The following PCDHGB6 variants were observed in gnomAD, a reference collection of about 807,000 sequenced individuals.
PCDHGB6 encodes protocadherin gamma-B6.
A neutral mutation model predicts 59.1 loss-of-function variants in PCDHGB6; 51 were observed. The observed-to-expected ratio is 0.86, with a 90% CI of 0.69 to 1.09. The LOEUF (loss-of-function observed/expected upper bound fraction) is 1.09, where lower values mean the gene tolerates loss of function less well. PCDHGB6 is among the 50% of genes least tolerant of loss of function. PCDHGB6 has a pLI of 0.00. For synonymous variants in PCDHGB6, 466 were observed against 495.1 expected, an observed-to-expected ratio of 0.94 and a Z score of 0.78; for missense variants, 1,148 against 1,205.1, an observed-to-expected ratio of 0.95 and a Z score of 0.70.
chr5:141,505,883 T>C (rs1225759976), intron 3 of PCDHGB6, among the ~76,000 whole-genome samples: 1 of 152,118 alleles, frequency 6.6e-6, no homozygotes, highest in East Asian at 1.9e-4. Flanking sequence ...GTTGTAGAGA[T>C]TAAATGAGAT....
At chr5:141,428,727 A>G (rs1348450181) in intron 1 of PCDHGB6, 1 of 160,588 alleles carries the variant, frequency 6.2e-6, no homozygotes, top group Non-Finnish European at 1.4e-5. Context: ...AAAATCTTAA[A>G]CATATTATAT....
Position 141,444,232 on chromosome 5 carries a change from C to T in PCDHGB6, c.2418+33612C>T, listed in dbSNP as rs1411172798. Among the ~76,000 whole-genome samples the T allele has an allele frequency of 2.5e-5, 3 of 122,350 alleles. No individual in the cohort carries two copies. In the Admixed American group the frequency reaches 3.3e-4, roughly 14 times the overall value. The allele number at this position is 122,350 out of a possible 152,430, so 80.3% of individuals were successfully genotyped here. ...TGTTGCCCAGGCTGGAGTGCAATGG[C>T]ATGCTCTCGGCTCACTGCAACCTCC... is the stretch of plus-strand genomic sequence containing the variant. On this transcript the variant is annotated intron_variant, in intron 1 of 3. Coordinates refer to ENST00000520790, the MANE Select transcript of PCDHGB6 (RefSeq NM_018926.3).
rs891428609 is a variant in PCDHGB6, at chr5:141,503,553, C to T, written c.2478-1840C>T. Among the ~76,000 whole-genome samples the T allele has an allele frequency of 9.4e-5, 14 of 149,164 alleles. No homozygotes were observed. In the East Asian group the frequency reaches 2.2e-3, roughly 23 times the overall value. On this transcript the variant is annotated intron_variant, in intron 2 of 3. Coordinates refer to ENST00000520790, the MANE Select transcript of PCDHGB6 (RefSeq NM_018926.3). ...GGCAGAGGTTGCAGTGAGCCGAGAT[C>T]GCGCCACTGTACTCCAGCCTGGGTG...
At chr5:141,508,806 C>T (rs1243735850) in intron 3 of PCDHGB6, among the ~76,000 whole-genome samples, 1 of 152,066 alleles carries the variant, frequency 6.6e-6, no homozygotes, top group African/African-American at 2.4e-5. Flanking sequence ...AATCCTGGCT[C>T]TTTGAAGCCA....
intron 1 of PCDHGB6, chr5:141,418,035 T>C: frequency 6.2e-7 from 1 of 1,614,000 alleles, no homozygotes; most frequent in Non-Finnish European, 8.5e-7. Context: ...CTTAGTGTCC[T>C]GGATGTGTCG....
chr5:141,419,715 TG>T (rs754309862), intron 1 of PCDHGB6: 1 of 1,613,288 alleles, frequency 6.2e-7, no homozygotes, highest in South Asian at 1.1e-5. Flanking sequence ...CTCTTCAGCC[TG>T]GGGCTGCGAA....
chr5:141,482,588 C>T (rs559327092), intron 1 of PCDHGB6, among the ~76,000 whole-genome samples: 3 of 147,192 alleles, frequency 2.0e-5, no homozygotes, highest in Admixed American at 6.8e-5. Context: ...GCAGTGGGAC[C>T]AAACGGGAAA....
At chr5:141,471,786 A>G (rs1043196530) in intron 1 of PCDHGB6, among the ~76,000 whole-genome samples, 6 of 152,244 alleles carry the variant, frequency 3.9e-5, no homozygotes, top group African/African-American at 1.4e-4. Flanking sequence ...ACATTATGCT[A>G]TGTCATATAA....
At chr5:141,422,812 T>A in intron 1 of PCDHGB6, 1 of 1,614,206 alleles carries the variant, frequency 6.2e-7, no homozygotes, top group Non-Finnish European at 8.5e-7. Context: ...GTTTCGAGAC[T>A]TAGAACTGAG....
At chr5:141,455,605 T>C (rs930071553) in intron 1 of PCDHGB6, among the ~76,000 whole-genome samples, 2 of 152,098 alleles carry the variant, frequency 1.3e-5, no homozygotes, top group African/African-American at 4.8e-5. Flanking sequence ...TAGGGCGCCA[T>C]GGATGTTCTA....
In PCDHGB6 at chr5:141,485,539, G is replaced by T; in HGVS notation, c.2419-9268G>T. 6.2e-7 allele frequency: 1 copy of T among 1,614,104 alleles called. No individual in the cohort carries two copies. Among genetic ancestry groups the T allele is most frequent in the Non-Finnish European group, 8.5e-7 (1 of 1,179,998 alleles). On this transcript the variant is annotated intron_variant, in intron 1 of 3. Coordinates refer to ENST00000520790, the MANE Select transcript of PCDHGB6 (RefSeq NM_018926.3). This position sits in a 1 kb window ranked among gnomAD's most constrained non-coding sequence, Gnocchi z 5.7. ...TGGAAATGTACCGAGCAGAGGTAGA[G>T]ATCGTAGATGTGAATGATCACGCCC...
At chr5:141,414,930 C>A (rs561548499) in intron 1 of PCDHGB6, 1 of 1,614,156 alleles carries the variant, frequency 6.2e-7, no homozygotes, top group South Asian at 1.1e-5. Flanking sequence ...CGCCCCGCTC[C>A]GCAGAGCCCG....
At chr5:141,472,507 T>G (rs919448316) in intron 1 of PCDHGB6, among the ~76,000 whole-genome samples, 2 of 151,872 alleles carry the variant, frequency 1.3e-5, no homozygotes, top group African/African-American at 4.8e-5. Context: ...GCCACTGCAC[T>G]CCAGCCTGGG....
Position 141,489,434 on chromosome 5 carries a change from A to G in PCDHGB6, c.2419-5373A>G. On this transcript the variant is annotated intron_variant, in intron 1 of 3. Transcript: ENST00000520790. This position sits in a 1 kb window ranked among gnomAD's most constrained non-coding sequence, Gnocchi z 4.5. ...ACAGATCTGTTGAGCCGGCGGCTGC[A>G]ATTGGGCTCTGAGGAGAATGGGCGC... 6.2e-7 allele frequency: 1 copy of G among 1,614,138 alleles called. No individual in the cohort carries two copies. The highest frequency in any genetic ancestry group is 8.5e-7 in the Non-Finnish European group (1 of 1,180,044).
At position 141,485,939 on chromosome 5, in the gene PCDHGB6, C is replaced by A; in HGVS notation, c.2419-8868C>A. ...CAGGATTAGTGTGTTGGAGAGCGCA[C>A]CAGCGGGCATGGTGCTCATCCAGCT... On this transcript the variant is annotated intron_variant, in intron 1 of 3. Transcript: ENST00000520790. This position sits in a 1 kb window ranked among gnomAD's most constrained non-coding sequence, Gnocchi z 5.7. 1 of 1,614,140 alleles carries A rather than the reference C, an allele frequency of 6.2e-7. No homozygotes were observed. The highest frequency in any genetic ancestry group is 8.5e-7 in the Non-Finnish European group (1 of 1,180,030).
chr5:141,491,685 G>A lies in PCDHGB6; in HGVS notation c.2419-3122G>A. 1 of 1,613,164 alleles carries A rather than the reference G, an allele frequency of 6.2e-7. No individual in the cohort carries two copies. The highest frequency in any genetic ancestry group is 8.5e-7 in the Non-Finnish European group (1 of 1,179,646). On this transcript the variant is annotated intron_variant, in intron 1 of 3. Transcript: ENST00000520790. The surrounding 1 kb of genome is among the most constrained non-coding windows in gnomAD (Gnocchi z 6.9). ...CCATCCGGTCCCGCTCTAATACGCTGCGGGAGCGGAGCCAGGTGAGGGGCT... is the reference window on the plus strand; with the variant it reads ...CCATCCGGTCCCGCTCTAATACGCTACGGGAGCGGAGCCAGGTGAGGGGCT...
chr5:141,415,311 C>T, intron 1 of PCDHGB6: 2 of 1,614,242 alleles, frequency 1.2e-6, no homozygotes, highest in Non-Finnish European at 1.7e-6. Context: ...TGGCCTTCGT[C>T]ATCGTGCTGC....
At chr5:141,500,260 C>G (rs2099798502) in intron 2 of PCDHGB6, among the ~76,000 whole-genome samples, 3 of 151,104 alleles carry the variant, frequency 2.0e-5, no homozygotes, top group African/African-American at 2.4e-5. Flanking sequence ...CCAGGCTGGA[C>G]TGCAGTGGCG....
chr5:141,413,043 C>A, intron 1 of PCDHGB6: 1 of 864,340 alleles, frequency 1.2e-6, no homozygotes, highest in Non-Finnish European at 1.7e-6. Flanking sequence ...TGCTGGGCTG[C>A]AGGGAAGCTC....
Sources: allele counts gnomAD v4.1 joint callset (sites outside exome capture counted in the v4.1 genomes callset), GRCh38; gene constraint gnomAD v4.1.1; non-coding constraint Gnocchi (gnomAD v3.1); transcripts MANE v1.5; gene names NCBI Gene and HGNC (gene_info 2026-07-23, HGNC 2026-07-21).